Variants in OAS2 observed in about 807,000 individuals in gnomAD.
The protein encoded by OAS2 is 2'-5'-oligoadenylate synthetase 2, also known as 2'-5'-oligoadenylate synthase 2.
OAS2 carries 67 observed loss-of-function variants against 71.3 expected under a neutral mutation model. The observed-to-expected ratio is 0.94, with a 90% CI of 0.77 to 1.15. The LOEUF (loss-of-function observed/expected upper bound fraction) is 1.15. OAS2 is among the 50% of genes most tolerant of loss of function. The pLI is 0.00. For missense variants in OAS2, 789 were observed against 822.5 expected (o/e 0.96, Z 0.50); for synonymous variants, 327 against 321.8 (o/e 1.02, Z -0.17).
chr12:112,996,516 C>A (rs955133176), intron 3 of OAS2, among the ~76,000 whole-genome samples: 1 of 152,154 alleles, frequency 6.6e-6, no homozygotes, highest in East Asian at 1.9e-4. Context: ...TCAAACCCAA[C>A]TGGGGATCTG....
chr12:113,008,560 C>A (rs1441725755), intron 9 of OAS2, among the ~76,000 whole-genome samples: 1 of 152,154 alleles, frequency 6.6e-6, no homozygotes, highest in Non-Finnish European at 1.5e-5. Flanking sequence ...ATGAGTATAG[C>A]AATTAACAGC....
At chr12:112,986,185 G>A (rs570311280) in intron 1 of OAS2, among the ~76,000 whole-genome samples, 6 of 152,272 alleles carry the variant, frequency 3.9e-5, no homozygotes, top group African/African-American at 1.4e-4. Flanking sequence ...CTGGGAACAG[G>A]GACATCAGGC....
intron 5 of OAS2, among the ~76,000 whole-genome samples, chr12:113,000,571 G>A (rs1027441217): frequency 1.6e-4 from 22 of 133,342 alleles, no homozygotes; most frequent in East Asian, 6.6e-4. Context: ...ATGCACACAC[G>A]CACACACGCA....
chr12:113,005,245 T>C (rs2044321476), intron 7 of OAS2, 23 bp downstream of exon 7: 12 of 1,598,264 alleles, frequency 7.5e-6, no homozygotes, highest in Non-Finnish European at 1.0e-5. Context: ...AGACCTTAGC[T>C]TGGAAGTGAT....
At chr12:112,991,120 C>A (rs576190476) in intron 2 of OAS2, among the ~76,000 whole-genome samples, 2 of 152,320 alleles carry the variant, frequency 1.3e-5, no homozygotes, top group East Asian at 3.9e-4. Flanking sequence ...CCCTGAGCTC[C>A]TCAAACCCAC....
At chr12:112,994,511 T>A (rs1452289059) in intron 2 of OAS2, among the ~76,000 whole-genome samples, 1 of 152,176 alleles carries the variant, frequency 6.6e-6, no homozygotes, top group African/African-American at 2.4e-5. Context: ...AACATCCACC[T>A]CTCGGGGTCA....
chr12:112,989,963 C>T (rs1684718794), intron 2 of OAS2, among the ~76,000 whole-genome samples: 1 of 152,164 alleles, frequency 6.6e-6, no homozygotes, highest in African/African-American at 2.4e-5. Flanking sequence ...TCTCCCTTCC[C>T]ACTGCTACTT....
At chr12:113,004,440 A>G (rs2044313358) in intron 6 of OAS2, among the ~76,000 whole-genome samples, 1 of 152,232 alleles carries the variant, frequency 6.6e-6, no homozygotes, top group Non-Finnish European at 1.5e-5. Flanking sequence ...ATAGCCCACA[A>G]AGCCTAAAAT....
In OAS2 at chr12:113,010,282, A is replaced by G; in HGVS notation, c.*1027A>G. On this transcript the variant is annotated 3_prime_UTR_variant, in exon 10 of 10. Coordinates refer to ENST00000392583, the MANE Select transcript of OAS2 (RefSeq NM_002535.3). The stretch of plus-strand genomic sequence containing the variant: ...TCTCTGGCAATAGTTACCTTCCCAG[A>G]TACAGGTCCCCCCTTTTTTCCCCTA... 2 of 1,500,612 alleles carry G rather than the reference A, an allele frequency of 1.3e-6. No homozygotes were observed. Among genetic ancestry groups the G allele is most frequent in the South Asian group, 1.4e-5 (1 of 71,468 alleles). The allele number at this position is 1,500,612 out of a possible 1,614,324, so 93.0% of individuals were successfully genotyped here. A position where few individuals can be genotyped will look rare whatever the true frequency, so the allele number is the denominator to read the frequency against.
intron 6 of OAS2, among the ~76,000 whole-genome samples, chr12:113,003,844 T>G (rs1301217204): frequency 6.6e-6 from 1 of 152,170 alleles, no homozygotes; most frequent in Non-Finnish European, 1.5e-5. Context: ...AACAAATCTG[T>G]GCAACTAGAG....
intron 2 of OAS2, among the ~76,000 whole-genome samples, chr12:112,990,967 AT>A (rs994501179): frequency 2.6e-5 from 4 of 152,082 alleles, no homozygotes; most frequent in African/African-American, 7.2e-5. Flanking sequence ...AAGGCTTAGA[AT>A]TTTATTTTTG....
chr12:112,978,587 T>C lies in OAS2; in HGVS notation c.-22T>C. On this transcript the variant is annotated 5_prime_UTR_variant, in exon 1 of 10. Coordinates refer to ENST00000392583, the MANE Select transcript of OAS2 (RefSeq NM_002535.3). This position sits in a 1 kb window ranked among gnomAD's most constrained non-coding sequence, Gnocchi z 4.2. The stretch of plus-strand genomic sequence containing the variant: ...CCTCCCATCCTACCATTCACTGTCT[T>C]GCCGGCAGCCAGCTGAGAGCAATGG... 2 of 1,613,384 alleles carry C rather than the reference T, an allele frequency of 1.2e-6. No homozygotes were observed. Among genetic ancestry groups the C allele is most frequent in the Non-Finnish European group, 1.7e-6 (2 of 1,179,636 alleles).
chr12:112,978,668 C>T lies in OAS2; in HGVS notation c.60C>T (p.Ile20=). The change falls in exon 1 of 10, where the codon ATC becomes ATT. Residue 20 remains isoleucine, a synonymous_variant. Coordinates refer to ENST00000392583, the MANE Select transcript of OAS2 (RefSeq NM_002535.3). The surrounding 1 kb of genome is among the most constrained non-coding windows in gnomAD (Gnocchi z 4.2). The part of the protein sequence containing the change: ...SVPAQKLGWF[I]QEYLKPYEEC... The stretch of plus-strand genomic sequence containing the variant: ...CTGCTCAGAAGCTGGGTTGGTTTAT[C>T]CAGGAATACCTGAAGCCCTACGAAG... 1 of 1,614,150 alleles carries T rather than the reference C, an allele frequency of 6.2e-7. No homozygotes were observed. Among genetic ancestry groups the T allele is most frequent in the Non-Finnish European group, 8.5e-7 (1 of 1,180,012 alleles).
chr12:113,009,533 C>T lies in OAS2; in HGVS notation c.*278C>T. Reference sequence around the variant, plus strand: ...ACAACCAAAAGTCTTCAGACATTGTCAAACGTTCCCCTGGGTTCACAGATC... The same window carrying T: ...ACAACCAAAAGTCTTCAGACATTGTTAAACGTTCCCCTGGGTTCACAGATC... On this transcript the variant is annotated 3_prime_UTR_variant, in exon 10 of 10. Transcript: ENST00000392583. The T allele has an allele frequency of 9.0e-7, 1 of 1,116,722 alleles. No homozygotes were observed. 69.2% of individuals were successfully genotyped at this position (1,116,722 alleles called of 1,614,324 possible).
At position 112,978,884 on chromosome 12, in the gene OAS2, C is replaced by T. The variant is rs2044053698; in HGVS notation, c.177+99C>T. The T allele has an allele frequency of 3.4e-6, 4 of 1,180,442 alleles. No individual in the cohort carries two copies. Among genetic ancestry groups the T allele is most frequent in the Non-Finnish European group, 4.7e-6 (4 of 845,132 alleles). 73.1% of individuals were successfully genotyped at this position (1,180,442 alleles called of 1,614,324 possible). A position where few individuals can be genotyped will look rare whatever the true frequency, so the allele number is the denominator to read the frequency against. ...TGCTGGGTGCCTATTATGTGCGAGGCCCACACTTGGGTGGGATGTGGTGTA... is the reference window on the plus strand; with the variant it reads ...TGCTGGGTGCCTATTATGTGCGAGGTCCACACTTGGGTGGGATGTGGTGTA... On this transcript the variant is annotated intron_variant, in intron 1 of 9. Coordinates refer to ENST00000392583, the MANE Select transcript of OAS2 (RefSeq NM_002535.3). This position sits in a 1 kb window ranked among gnomAD's most constrained non-coding sequence, Gnocchi z 4.2.
intron 1 of OAS2, among the ~76,000 whole-genome samples, chr12:112,986,628 G>T (rs1179803132): frequency 6.6e-6 from 1 of 152,198 alleles, no homozygotes; most frequent in African/African-American, 2.4e-5. Flanking sequence ...GCTGGTGGCA[G>T]GTGGGGCGAG....
intron 2 of OAS2, among the ~76,000 whole-genome samples, chr12:112,990,125 G>A (rs2044178602): frequency 6.6e-6 from 1 of 152,156 alleles, no homozygotes; most frequent in African/African-American, 2.4e-5. Context: ...CTGCATTTAG[G>A]AAGTTGACCA....
At chr12:113,008,594 C>T (rs887607630) in intron 9 of OAS2, among the ~76,000 whole-genome samples, 1 of 152,140 alleles carries the variant, frequency 6.6e-6, no homozygotes, top group Admixed American at 6.5e-5. Flanking sequence ...TTGGCAAATA[C>T]AATTTAATTC....
chr12:112,999,211 C>T (rs2044262692), intron 5 of OAS2, among the ~76,000 whole-genome samples: 1 of 152,186 alleles, frequency 6.6e-6, no homozygotes, highest in Non-Finnish European at 1.5e-5. Flanking sequence ...CCAATTAAGG[C>T]ACCAGCTGTG....
Sources: allele counts gnomAD v4.1 joint callset (sites outside exome capture counted in the v4.1 genomes callset), GRCh38; gene constraint gnomAD v4.1.1; non-coding constraint Gnocchi (gnomAD v3.1); transcripts MANE v1.5; gene names NCBI Gene and HGNC (gene_info 2026-07-23, HGNC 2026-07-21).